The following KCTD17 variants were observed in gnomAD, a reference collection of about 807,000 sequenced individuals.
KCTD17 encodes the protein BTB/POZ domain-containing protein KCTD17.
In KCTD17, 20 loss-of-function variants were observed where a neutral mutation model predicts 41.5. That is an observed-to-expected ratio of 0.48 (90% CI 0.34 to 0.70). KCTD17 has a LOEUF of 0.70. Among genes scored for constraint, KCTD17 ranks in the 30% least tolerant of loss-of-function variants. KCTD17 has a pLI of 0.01. For missense variants in KCTD17, 317 were observed against 427.2 expected (o/e 0.74, Z 2.27); for synonymous variants, 156 against 173.8 (o/e 0.90, Z 0.80).
intron 2 of KCTD17, chr22:37,055,088 CTAG>C (rs1284727689): frequency 6.6e-6 from 1 of 152,348 alleles, no homozygotes; most frequent in Non-Finnish European, 1.5e-5. Context: ...AGAGAGGGAG[CTAG>C]CCCTCGCCCG....
In KCTD17 at chr22:37,061,487, C is replaced by G; in HGVS notation, c.785-52C>G. 2 of 1,563,894 alleles carry G rather than the reference C, an allele frequency of 1.3e-6. No individual in the cohort carries two copies. Among genetic ancestry groups the G allele is most frequent in the South Asian group, 2.3e-5 (2 of 86,084 alleles). On this transcript the variant is annotated intron_variant, in intron 7 of 8. Transcript: ENST00000403888. The surrounding 1 kb of genome is among the most constrained non-coding windows in gnomAD (Gnocchi z 6.6). ...CTGAGACTGGGCCCTGGCTGCAGGCCCTGCCCCCCCTCCTCTCCTCCCGGC... is the reference window on the plus strand; with the variant it reads ...CTGAGACTGGGCCCTGGCTGCAGGCGCTGCCCCCCCTCCTCTCCTCCCGGC...
Position 37,061,473 on chromosome 22 carries a change from C to A in KCTD17, c.785-66C>A. ...CCTGCCGGGCACCTCTGAGACTGGG[C>A]CCTGGCTGCAGGCCCTGCCCCCCCT... On this transcript the variant is annotated intron_variant, in intron 7 of 8. Coordinates refer to ENST00000403888, the MANE Select transcript of KCTD17 (RefSeq NM_001282684.2). The surrounding 1 kb of genome is among the most constrained non-coding windows in gnomAD (Gnocchi z 6.6). 1 of 1,542,830 alleles carries A rather than the reference C, an allele frequency of 6.5e-7. No homozygotes were observed. Among genetic ancestry groups the A allele is most frequent in the Non-Finnish European group, 8.7e-7 (1 of 1,147,918 alleles).
At chr22:37,052,034 G>A (rs1219288786) in intron 1 of KCTD17, 85 bp downstream of exon 1, 2 of 1,275,608 alleles carry the variant, frequency 1.6e-6, no homozygotes, top group Non-Finnish European at 9.9e-7. Context: ...TCGCCCGCCA[G>A]GCTGGGGACC....
At position 37,053,733 on chromosome 22, in the gene KCTD17, G is replaced by T. The variant is rs569991010; in HGVS notation, c.298+525G>T. 3.9e-5 allele frequency among the ~76,000 whole-genome samples: 6 copies of T among 152,290 alleles called. No homozygotes were observed. In the South Asian group the frequency reaches 1.2e-3, roughly 32 times the overall value. The stretch of plus-strand genomic sequence containing the variant: ...CTGGCTGTGGGTGGAGGCAGGAGAG[G>T]GGGGAGTCTGCTTCCCAGTGGGGCT... On this transcript the variant is annotated intron_variant, in intron 2 of 8. Transcript: ENST00000403888. This position sits in a 1 kb window ranked among gnomAD's most constrained non-coding sequence, Gnocchi z 4.1.
intron 8 of KCTD17, chr22:37,062,050 C>T (rs1925860279): frequency 1.3e-5 from 13 of 983,464 alleles, no homozygotes; most frequent in Non-Finnish European, 1.6e-5. Context: ...CCCACAAGCC[C>T]CCTATCCCAC....
intron 2 of KCTD17, among the ~76,000 whole-genome samples, chr22:37,054,139 A>G (rs528902797): frequency 1.3e-4 from 20 of 152,174 alleles, no homozygotes; most frequent in African/African-American, 3.4e-4. Context: ...GCAACTCTCT[A>G]ATAGGTCAGG....
chr22:37,061,827 A>G lies in KCTD17; in HGVS notation c.875+198A>G. 1.0e-6 allele frequency: 1 copy of G among 985,188 alleles called. No individual in the cohort carries two copies. Among genetic ancestry groups the G allele is most frequent in the African/African-American group, 1.8e-5 (1 of 57,128 alleles). The allele number at this position is 985,188 out of a possible 1,614,324, so 61.0% of individuals were successfully genotyped here. On this transcript the variant is annotated intron_variant, in intron 8 of 8. Coordinates refer to ENST00000403888, the MANE Select transcript of KCTD17 (RefSeq NM_001282684.2). The surrounding 1 kb of genome is among the most constrained non-coding windows in gnomAD (Gnocchi z 6.6). ...ACTTTCCTACCAGCCCATCAGCACC[A>G]GAGCCAGGCTGGTGGGGAGGGAGGG...
chr22:37,057,146 C>G (rs572373930), intron 3 of KCTD17, among the ~76,000 whole-genome samples: 1 of 152,314 alleles, frequency 6.6e-6, no homozygotes, highest in South Asian at 2.1e-4. Flanking sequence ...AGTAACTGGA[C>G]CTCTCTGAGC....
rs142739650 is a variant in KCTD17, at chr22:37,062,531, C to T, written c.882C>T (p.Tyr294=). 2.9e-4 allele frequency: 470 copies of T among 1,595,614 alleles called. No individual in the cohort carries two copies. The highest frequency in any genetic ancestry group is 3.6e-4 in the Non-Finnish European group (415 of 1,168,878). Residue 294 remains tyrosine, a synonymous_variant, in exon 9 of 9, where the codon TAC becomes TAT. Transcript: ENST00000403888. ...ARPQSCHPCC[Y]KPEAPGCEAP... Reference sequence around the variant, plus strand: ...TCCCCTCTTTTTTTTCTAGCTGTTACAAGCCAGAGGCACCCGGATGTGAGG... The same window carrying T: ...TCCCCTCTTTTTTTTCTAGCTGTTATAAGCCAGAGGCACCCGGATGTGAGG...
intron 1 of KCTD17, 187 bp downstream of exon 1, chr22:37,052,136 T>C (rs1924565313): frequency 6.2e-6 from 5 of 812,740 alleles, no homozygotes; most frequent in Non-Finnish European, 8.6e-6. Flanking sequence ...GATGTACCCA[T>C]TGCCGTGGCA....
intron 5 of KCTD17, among the ~76,000 whole-genome samples, chr22:37,060,150 T>C (rs1256307392): frequency 6.6e-6 from 1 of 152,186 alleles, no homozygotes; most frequent in African/African-American, 2.4e-5. Context: ...CCCAAGGGCC[T>C]TCGCAGAGCC....
At position 37,053,252 on chromosome 22, in the gene KCTD17, C is replaced by T; in HGVS notation, c.298+44C>T. The T allele has an allele frequency of 6.8e-7, 1 of 1,461,372 alleles. No homozygotes were observed. The highest frequency in any genetic ancestry group is 9.4e-7 in the Non-Finnish European group (1 of 1,064,244). The allele number at this position is 1,461,372 out of a possible 1,614,324, so 90.5% of individuals were successfully genotyped here. A position where few individuals can be genotyped will look rare whatever the true frequency, so the allele number is the denominator to read the frequency against. On this transcript the variant is annotated intron_variant, in intron 2 of 8. Transcript: ENST00000403888. The surrounding 1 kb of genome is among the most constrained non-coding windows in gnomAD (Gnocchi z 4.1). Reference sequence around the variant, plus strand: ...CTGGCCTGGACCTTATGCAGCCTGCCAGGGCCCTCTGTGGAGGCCCCAAGC... The same window carrying T: ...CTGGCCTGGACCTTATGCAGCCTGCTAGGGCCCTCTGTGGAGGCCCCAAGC...
Position 37,061,983 on chromosome 22 carries a change from G to T in KCTD17, c.875+354G>T, listed in dbSNP as rs550513336. The T allele has an allele frequency of 4.1e-6, 4 of 985,304 alleles. No individual in the cohort carries two copies. The Admixed American group carries it at 2.5e-4, about 61-fold the overall frequency. 61.0% of individuals were successfully genotyped at this position (985,304 alleles called of 1,614,324 possible). On this transcript the variant is annotated intron_variant, in intron 8 of 8. Transcript: ENST00000403888. The surrounding 1 kb of genome is among the most constrained non-coding windows in gnomAD (Gnocchi z 6.6). ...CTTTTGGATACCCTTGGCCCATGAA[G>T]TGTCAGCCAGAGTGGCTTAAGGATT...
At chr22:37,054,539 C>G (rs1042212280) in intron 2 of KCTD17, among the ~76,000 whole-genome samples, 2 of 151,904 alleles carry the variant, frequency 1.3e-5, no homozygotes, top group Non-Finnish European at 2.9e-5. Flanking sequence ...ATACACAGGG[C>G]TAGGGCTCAT....
In KCTD17 at chr22:37,061,502, C is replaced by G. The variant is rs1054391426; in HGVS notation, c.785-37C>G. 6.3e-6 allele frequency: 10 copies of G among 1,584,498 alleles called. No individual in the cohort carries two copies. Among genetic ancestry groups the G allele is most frequent in the Non-Finnish European group, 7.7e-6 (9 of 1,171,208 alleles). ...GGCTGCAGGCCCTGCCCCCCCTCCT[C>G]TCCTCCCGGCCTCCTCCTCACGTTT... On this transcript the variant is annotated intron_variant, in intron 7 of 8. Coordinates refer to ENST00000403888, the MANE Select transcript of KCTD17 (RefSeq NM_001282684.2). This position sits in a 1 kb window ranked among gnomAD's most constrained non-coding sequence, Gnocchi z 6.6.
intron 1 of KCTD17, chr22:37,052,188 G>T: frequency 2.0e-6 from 1 of 499,312 alleles, no homozygotes; most frequent in Non-Finnish European, 3.4e-6. Context: ...CTCTCCAGCC[G>T]CCCCGGATCG....
rs1925822318 is a variant in KCTD17 at position 37,061,708 on chromosome 22, C to T, written c.875+79C>T. 5.3e-6 allele frequency: 8 copies of T among 1,502,198 alleles called. No homozygotes were observed. The highest frequency in any genetic ancestry group is 2.5e-5 in the East Asian group (1 of 40,140). The allele number at this position is 1,502,198 out of a possible 1,614,324, so 93.1% of individuals were successfully genotyped here. ...TCTTGATCCTTGGACTTGAGCCGAG[C>T]TTTCGGCTGATTATCTCCACCCACC... On this transcript the variant is annotated intron_variant, in intron 8 of 8. Coordinates refer to ENST00000403888, the MANE Select transcript of KCTD17 (RefSeq NM_001282684.2). This position sits in a 1 kb window ranked among gnomAD's most constrained non-coding sequence, Gnocchi z 6.6.
Position 37,051,795 on chromosome 22 carries a change from CG to C in KCTD17, c.40del (p.Ala14ArgfsTer23). On this transcript the variant is annotated frameshift_variant, in exon 1 of 9. Coordinates refer to ENST00000403888, the MANE Select transcript of KCTD17 (RefSeq NM_001282684.2). LOFTEE classifies it high-confidence loss of function. ...GAGGCCGGGGAGGCAGCGCCGCCGG[CG>C]GGGGCGGGCGGCCGCGCCGCAGGCG... Reference protein sequence around the residue: ...RMEAGEAAPPAGAGGRAAGGW... With the variant: ...RMEAGEAAPPXGAGGRAAGGW... 7.9e-7 allele frequency: 1 copy of C among 1,258,638 alleles called. No individual in the cohort carries two copies. Among genetic ancestry groups the C allele is most frequent in the Non-Finnish European group, 1.0e-6 (1 of 1,003,240 alleles). 78.0% of individuals were successfully genotyped at this position (1,258,638 alleles called of 1,614,324 possible). A position where few individuals can be genotyped will look rare whatever the true frequency, so the allele number is the denominator to read the frequency against.
In KCTD17 at chr22:37,062,604, T is replaced by C. The variant is rs199931970; in HGVS notation, c.*10T>C. On this transcript the variant is annotated 3_prime_UTR_variant, in exon 9 of 9. Transcript: ENST00000403888. ...TGGGGTTCCCATCTGAAATCCTTTA[T>C]TTTTGTACCATGGGGTGGGCCCCGG... The C allele has an allele frequency of 6.8e-5, 110 of 1,610,976 alleles. 1 individual carries two copies. The East Asian group carries it at 1.0e-3, about 15-fold the overall frequency.
Sources: gnomAD v4.1 joint callset for allele counts (sites outside exome capture counted in the v4.1 genomes callset) on GRCh38, gnomAD v4.1.1 for gene constraint, Gnocchi (gnomAD v3.1) non-coding constraint, MANE v1.5 for transcripts, NCBI Gene and HGNC (gene_info 2026-07-23, HGNC 2026-07-21) for gene names.